GBP6: variants seen among roughly 807,000 people sequenced by gnomAD.
The protein encoded by GBP6 is guanylate binding protein family member 6, also known as guanylate-binding protein 6.
GBP6 carries 54 observed loss-of-function variants against 61.5 expected under a neutral mutation model. The ratio of observed to expected loss-of-function variants is 0.88; its 90% CI spans 0.71 to 1.10. The LOEUF (loss-of-function observed/expected upper bound fraction) is 1.10. GBP6 is among the 50% of genes least tolerant of loss of function. The pLI is 0.00. For synonymous variants in GBP6, 255 were observed against 273.7 expected, an observed-to-expected ratio of 0.93 and a Z score of 0.67; for missense variants, 748 against 752.8, an observed-to-expected ratio of 0.99 and a Z score of 0.07.
chr1:89,378,546 G>C lies in GBP6; in HGVS notation c.558G>C (p.Glu186Asp). 6.2e-7 allele frequency: 1 copy of C among 1,614,124 alleles called. No homozygotes were observed. Among genetic ancestry groups the C allele is most frequent in the Admixed American group, 1.7e-5 (1 of 60,024 alleles). Residue 186 changes from glutamate (E) to aspartate (D), a missense_variant, in exon 5 of 11, where the codon GAG becomes GAC. Transcript: ENST00000370456. ...FLWTVRDFTLELKLNGHPITE... is the reference protein window; with the variant it reads ...FLWTVRDFTLDLKLNGHPITE... Reference sequence around the variant, plus strand: ...GGACAGTACGGGATTTCACTCTGGAGCTGAAGTTGAACGGTCACCCTATCA... The same window carrying C: ...GGACAGTACGGGATTTCACTCTGGACCTGAAGTTGAACGGTCACCCTATCA...
At chr1:89,381,473 T>A (rs1259197028) in intron 6 of GBP6, among the ~76,000 whole-genome samples, 2 of 152,068 alleles carry the variant, frequency 1.3e-5, no homozygotes, top group Non-Finnish European at 2.9e-5. Context: ...TACAAGTAGA[T>A]ATTTAAATTT....
chr1:89,386,154 T>G lies in GBP6; in HGVS notation c.*685T>G, dbSNP rs1653138852. ...AGTAAAGAATGGTCTTGAAGAGACA[T>G]TGTAAAATGAAAAAAAAAAAAACCA... On this transcript the variant is annotated 3_prime_UTR_variant, in exon 11 of 11. Transcript: ENST00000370456. The G allele has an allele frequency of 6.6e-6, 1 of 151,594 alleles. No individual in the cohort carries two copies. Among genetic ancestry groups the G allele is most frequent in the Admixed American group, 6.6e-5 (1 of 15,226 alleles). The allele number at this position is 151,594 out of a possible 1,614,324, so 9.4% of individuals were successfully genotyped here. A position where few individuals can be genotyped will look rare whatever the true frequency, so the allele number is the denominator to read the frequency against.
At chr1:89,381,135 AC>A (rs1652965501) in intron 6 of GBP6, among the ~76,000 whole-genome samples, 1 of 151,796 alleles carries the variant, frequency 6.6e-6, no homozygotes, top group Admixed American at 6.6e-5. Context: ...AAATACAAAA[AC>A]TAGCTAGTCA....
intron 1 of GBP6, among the ~76,000 whole-genome samples, chr1:89,367,689 T>A (rs2100656736): frequency 2.0e-5 from 3 of 152,308 alleles, no homozygotes; most frequent in Middle Eastern, 3.4e-3. Flanking sequence ...TTCACTTGTT[T>A]CCAGTGGTTT....
chr1:89,373,285 T>C (rs1652697870), intron 3 of GBP6, among the ~76,000 whole-genome samples: 1 of 152,186 alleles, frequency 6.6e-6, no homozygotes, highest in South Asian at 2.1e-4. Flanking sequence ...GAACTAGAAA[T>C]ACCATTTGAC....
chr1:89,381,904 G>C lies in GBP6; in HGVS notation c.1082G>C (p.Arg361Thr), dbSNP rs1037788530. Reference protein sequence around the residue: ...ELLDMHAACEREAIAIFMEHS... With the variant: ...ELLDMHAACETEAIAIFMEHS... ...CTGGACATGCATGCGGCCTGTGAGA[G>C]GGAAGCCATTGCAATCTTCATGGAG... The change falls in exon 7 of 11, where the codon AGG becomes ACG. Residue 361 changes from arginine to threonine, a missense_variant. Transcript: ENST00000370456. The C allele has an allele frequency of 1.9e-6, 3 of 1,614,024 alleles. No homozygotes were observed. Among genetic ancestry groups the C allele is most frequent in the Non-Finnish European group, 2.5e-6 (3 of 1,179,994 alleles).
intron 10 of GBP6, 124 bp from the exon 11 acceptor site, chr1:89,385,106 C>A: frequency 1.2e-6 from 1 of 849,136 alleles, no homozygotes; most frequent in Non-Finnish European, 1.8e-6. Flanking sequence ...AAATTCTCCT[C>A]TAATAACTGA....
intron 1 of GBP6, among the ~76,000 whole-genome samples, chr1:89,364,452 G>A (rs901704632): frequency 6.6e-6 from 1 of 152,214 alleles, no homozygotes; most frequent in Admixed American, 6.5e-5. Context: ...AGAACAAGGA[G>A]CTTCCAGGCA....
rs1054246468 is a variant in GBP6, at chr1:89,386,447, T to A, written c.*978T>A. 3.3e-5 allele frequency: 5 copies of A among 152,090 alleles called. No individual in the cohort carries two copies. Among genetic ancestry groups the A allele is most frequent in the Non-Finnish European group, 5.9e-5 (4 of 68,008 alleles). The allele number at this position is 152,090 out of a possible 1,614,324, so 9.4% of individuals were successfully genotyped here. The stretch of plus-strand genomic sequence containing the variant: ...AATAATGATAACAATAAAAAAATAG[T>A]GAAATTGGCTATCAGATGATGAAAT... On this transcript the variant is annotated 3_prime_UTR_variant, in exon 11 of 11. Coordinates refer to ENST00000370456, the MANE Select transcript of GBP6 (RefSeq NM_198460.3).
At chr1:89,375,311 C>T (rs1570465458) in intron 3 of GBP6, among the ~76,000 whole-genome samples, 1 of 152,058 alleles carries the variant, frequency 6.6e-6, no homozygotes, top group East Asian at 1.9e-4. Context: ...ATGGAAACCA[C>T]AGTAAGATAC....
Position 89,378,267 on chromosome 1 carries a change from G to T in GBP6, c.428+55G>T, listed in dbSNP as rs1023330993. 5.1e-6 allele frequency: 8 copies of T among 1,564,324 alleles called. No individual in the cohort carries two copies. The African/African-American group carries it at 1.1e-4, about 22-fold the overall frequency. The stretch of plus-strand genomic sequence containing the variant: ...CAGGTTTCATTGACTTTATAGGAAT[G>T]GAGATCAAGTCATTTCCTCCTTCCC... On this transcript the variant is annotated intron_variant, in intron 4 of 10. Transcript: ENST00000370456.
intron 10 of GBP6, 90 bp downstream of exon 10, chr1:89,384,376 G>A: frequency 1.0e-6 from 1 of 1,000,632 alleles, no homozygotes; most frequent in South Asian, 1.8e-5. Flanking sequence ...CATCATGAAA[G>A]GAAGCACATC....
In GBP6 at chr1:89,380,395, C is replaced by T. The variant is rs780276461; in HGVS notation, c.635C>T (p.Pro212Leu). Residue 212 changes from proline (P) to leucine (L), a missense_variant, in exon 6 of 11, where the codon CCC becomes CTC. Transcript: ENST00000370456. ...NALKLIQGNNPRVQTSNFPRE... is the reference protein window; with the variant it reads ...NALKLIQGNNLRVQTSNFPRE... The stretch of plus-strand genomic sequence containing the variant: ...TTTTTTTATCCCTCAGGCAATAATC[C>T]CAGAGTTCAAACATCCAATTTTCCC... 6.2e-7 allele frequency: 1 copy of T among 1,613,424 alleles called. No individual in the cohort carries two copies. Among genetic ancestry groups the T allele is most frequent in the South Asian group, 1.1e-5 (1 of 91,030 alleles).
chr1:89,382,771 T>G lies in GBP6; in HGVS notation c.1260T>G (p.Ser420Arg). ...AGCTCTCAAAGGGACTAATGGAAAG[T>G]ATCTCAGCAGGAAGTTTCTCTGTTC... ...LNELSKGLME[S>R]ISAGSFSVPG... The change falls in exon 8 of 11, where the codon AGT becomes AGG. Residue 420 changes from serine to arginine, a missense_variant. Coordinates refer to ENST00000370456, the MANE Select transcript of GBP6 (RefSeq NM_198460.3). The G allele has an allele frequency of 6.2e-7, 1 of 1,614,070 alleles. No homozygotes were observed. The highest frequency in any genetic ancestry group is 8.5e-7 in the Non-Finnish European group (1 of 1,179,948).
In GBP6 at chr1:89,385,858, A is replaced by C; in HGVS notation, c.*389A>C. The C allele has an allele frequency of 6.1e-6, 1 of 164,978 alleles. No individual in the cohort carries two copies. Among genetic ancestry groups the C allele is most frequent in the Admixed American group, 5.9e-5 (1 of 16,992 alleles). The allele number at this position is 164,978 out of a possible 1,614,324, so 10.2% of individuals were successfully genotyped here. A position where few individuals can be genotyped will look rare whatever the true frequency, so the allele number is the denominator to read the frequency against. ...CTCATTTAGCAAAGTTTTAAACATAAAAAGTGCTTATTAGAGGATATCAGT... is the reference window on the plus strand; with the variant it reads ...CTCATTTAGCAAAGTTTTAAACATACAAAGTGCTTATTAGAGGATATCAGT... On this transcript the variant is annotated 3_prime_UTR_variant, in exon 11 of 11. Coordinates refer to ENST00000370456, the MANE Select transcript of GBP6 (RefSeq NM_198460.3).
At position 89,387,855 on chromosome 1, in the gene GBP6, C is replaced by A. The variant is rs1653181757; in HGVS notation, c.*2386C>A. ...GGATGAGGCAGGAAAATCACTTGAA[C>A]CTGGGAGGTGGAGGTTGCAGTGAGC... On this transcript the variant is annotated 3_prime_UTR_variant, in exon 11 of 11. Coordinates refer to ENST00000370456, the MANE Select transcript of GBP6 (RefSeq NM_198460.3). Among the ~76,000 whole-genome samples, 1 of 152,230 alleles carries A rather than the reference C, an allele frequency of 6.6e-6. No homozygotes were observed. The highest frequency in any genetic ancestry group is 2.4e-5 in the African/African-American group (1 of 41,464).
rs1367302386 is a variant in GBP6, at chr1:89,372,563, A to G, written c.318+2890A>G. Among the ~76,000 whole-genome samples, 205 of 152,296 alleles carry G rather than the reference A, an allele frequency of 1.3e-3. 1 individual carries two copies. Among genetic ancestry groups the G allele is most frequent in the African/African-American group, 4.7e-3 (194 of 41,548 alleles). ...AACCTGACAAGAACAAGAAATAGGG[A>G]AAGGATTCCCTATTTGATAAATGGT... On this transcript the variant is annotated intron_variant, in intron 3 of 10. Transcript: ENST00000370456.
chr1:89,366,480 G>A (rs571512991), intron 1 of GBP6, among the ~76,000 whole-genome samples: 10 of 151,970 alleles, frequency 6.6e-5, no homozygotes, highest in Non-Finnish European at 1.2e-4. Flanking sequence ...GTAGATAAAA[G>A]ACAAACATAT....
At chr1:89,374,372 T>A (rs1652741806) in intron 3 of GBP6, among the ~76,000 whole-genome samples, 2 of 152,190 alleles carry the variant, frequency 1.3e-5, no homozygotes, top group Non-Finnish European at 2.9e-5. Context: ...TACTTCCATA[T>A]TTAAATATAA....
Sources: gnomAD v4.1 joint callset for allele counts (sites outside exome capture counted in the v4.1 genomes callset) on GRCh38, gnomAD v4.1.1 for gene constraint, MANE v1.5 for transcripts, NCBI Gene and HGNC (gene_info 2026-07-23, HGNC 2026-07-21) for gene names.